Variants in PCDHGC3 observed in about 807,000 individuals in gnomAD.
PCDHGC3 encodes protocadherin gamma subfamily C, 3, also known as protocadherin gamma-C3.
Under a neutral mutation model 59.2 loss-of-function variants are expected in PCDHGC3, and 26 were observed. That is an observed-to-expected ratio of 0.44 (90% CI 0.32 to 0.61). The LOEUF (loss-of-function observed/expected upper bound fraction) is 0.61, where lower values mean the gene tolerates loss of function less well. Among genes scored for constraint, PCDHGC3 ranks in the 20% least tolerant of loss-of-function variants. PCDHGC3 has a pLI of 0.05. For synonymous variants in PCDHGC3, 487 were observed against 519.7 expected, an observed-to-expected ratio of 0.94 and a Z score of 0.86; for missense variants, 1,080 against 1,221.8, an observed-to-expected ratio of 0.88 and a Z score of 1.73.
Position 141,476,091 on chromosome 5 carries a change from G to T in PCDHGC3, c.-26G>T, listed in dbSNP as rs1470774975. The T allele has an allele frequency of 1.3e-6, 2 of 1,563,074 alleles. No homozygotes were observed. Among genetic ancestry groups the T allele is most frequent in the Non-Finnish European group, 1.7e-6 (2 of 1,159,286 alleles). On this transcript the variant is annotated 5_prime_UTR_variant, in exon 1 of 4. Coordinates refer to ENST00000308177, the MANE Select transcript of PCDHGC3 (RefSeq NM_002588.4). This position sits in a 1 kb window ranked among gnomAD's most constrained non-coding sequence, Gnocchi z 7.6. ...AAATCTCAGGGACGATCTGGACCCC[G>T]CTGAGAGGAACTGCTTTTGAGTGAG...
Position 141,478,529 on chromosome 5 carries a change from A to G in PCDHGC3, c.2413A>G (p.Ser805Gly). 1 of 1,609,580 alleles carries G rather than the reference A, an allele frequency of 6.2e-7. No homozygotes were observed. Among genetic ancestry groups the G allele is most frequent in the Non-Finnish European group, 8.5e-7 (1 of 1,177,808 alleles). Residue 805 changes from serine (S) to glycine (G), a missense_variant, in exon 1 of 4, where the codon AGC becomes GGC. Transcript: ENST00000308177. ...VFYRQVLGAE[S>G]APPGQQAPPN... ...CTATAGGCAGGTGTTGGGTGCAGAG[A>G]GCGCCCCTCCCGGACAGGTAAGGTT...
chr5:141,501,314 C>G, intron 2 of PCDHGC3, among the ~76,000 whole-genome samples: 1 of 151,728 alleles, frequency 6.6e-6, no homozygotes, highest in Non-Finnish European at 1.5e-5. Flanking sequence ...CACACACACA[C>G]ACACACACAC....
At chr5:141,484,454 G>T (rs932663778) in intron 1 of PCDHGC3, among the ~76,000 whole-genome samples, 2 of 152,212 alleles carry the variant, frequency 1.3e-5, no homozygotes, top group Non-Finnish European at 2.9e-5. Context: ...AATTGGCTAC[G>T]TTAATGTGTA....
chr5:141,489,066 C>G lies in PCDHGC3; in HGVS notation c.2431-5741C>G. The stretch of plus-strand genomic sequence containing the variant: ...CACTCAAATTCAGCTCCCCTCCCCC[C>G]TGCCCACCCCCGCCACTCGGTGACT... On this transcript the variant is annotated intron_variant, in intron 1 of 3. Transcript: ENST00000308177. This position sits in a 1 kb window ranked among gnomAD's most constrained non-coding sequence, Gnocchi z 4.5. 1 of 391,132 alleles carries G rather than the reference C, an allele frequency of 2.6e-6. No individual in the cohort carries two copies. Among genetic ancestry groups the G allele is most frequent in the South Asian group, 4.2e-5 (1 of 24,028 alleles). 24.2% of individuals were successfully genotyped at this position (391,132 alleles called of 1,614,324 possible).
intron 1 of PCDHGC3, among the ~76,000 whole-genome samples, chr5:141,492,394 G>C (rs2099740158): frequency 6.6e-6 from 1 of 152,220 alleles, no homozygotes; most frequent in African/African-American, 2.4e-5. Context: ...CGGTCCACTC[G>C]CAGCTCCCCT....
At chr5:141,506,231 A>G (rs1453468632) in intron 3 of PCDHGC3, among the ~76,000 whole-genome samples, 4 of 152,082 alleles carry the variant, frequency 2.6e-5, no homozygotes, top group African/African-American at 4.8e-5. Context: ...CAGGAGGATC[A>G]TGAGGTCAGG....
rs760747309 is a variant in PCDHGC3, at chr5:141,477,613, A to G, written c.1497A>G (p.Gln499=). 1.2e-6 allele frequency: 2 copies of G among 1,614,210 alleles called. No individual in the cohort carries two copies. Among genetic ancestry groups the G allele is most frequent in the Non-Finnish European group, 8.5e-7 (1 of 1,180,044 alleles). The part of the protein sequence containing the change: ...NARLSFFLLE[Q]GAETGLVGRY... ...GGCTTTCTTTCTTTCTCTTGGAGCA[A>G]GGAGCTGAAACCGGGCTAGTGGGTC... The change falls in exon 1 of 4, where the codon CAA becomes CAG. Residue 499 remains glutamine (Q), a synonymous_variant. Coordinates refer to ENST00000308177, the MANE Select transcript of PCDHGC3 (RefSeq NM_002588.4). This position sits in a 1 kb window ranked among gnomAD's most constrained non-coding sequence, Gnocchi z 4.9.
intron 2 of PCDHGC3, among the ~76,000 whole-genome samples, chr5:141,497,980 G>A (rs983045402): frequency 2.0e-5 from 3 of 152,168 alleles, no homozygotes; most frequent in African/African-American, 7.2e-5. Context: ...GATGTGGGAG[G>A]CCCCTGCCCT....
intron 2 of PCDHGC3, among the ~76,000 whole-genome samples, chr5:141,496,189 G>T (rs1362938002): frequency 1.3e-5 from 2 of 152,004 alleles, no homozygotes; most frequent in African/African-American, 4.8e-5. Context: ...AGCCCCAGCT[G>T]CTCATTTCAA....
chr5:141,476,754 T>G lies in PCDHGC3; in HGVS notation c.638T>G (p.Val213Gly). 1 of 1,613,926 alleles carries G rather than the reference T, an allele frequency of 6.2e-7. No individual in the cohort carries two copies. The highest frequency in any genetic ancestry group is 1.1e-5 in the South Asian group (1 of 91,084). Residue 213 changes from valine to glycine, a missense_variant, in exon 1 of 4, where the codon GTG becomes GGG. Physicochemically the swap from Val to Gly is moderately radical, Grantham distance 109. Coordinates refer to ENST00000308177, the MANE Select transcript of PCDHGC3 (RefSeq NM_002588.4). The surrounding 1 kb of genome is among the most constrained non-coding windows in gnomAD (Gnocchi z 7.6). Reference sequence around the variant, plus strand: ...GAACGGGAGCCTAGTCTCCAGTTAGTGCTGACGGCGTTGGACGGAGGGACC... The same window carrying G: ...GAACGGGAGCCTAGTCTCCAGTTAGGGCTGACGGCGTTGGACGGAGGGACC... ...DREREPSLQL[V>G]LTALDGGTPA...
rs530139788 is a variant in PCDHGC3, at chr5:141,509,165, C to A, written c.2579-1782C>A. On this transcript the variant is annotated intron_variant, in intron 3 of 3. Coordinates refer to ENST00000308177, the MANE Select transcript of PCDHGC3 (RefSeq NM_002588.4). ...TCCCGGCTCTCCCCTCCCGTGTGCC[C>A]TCCTCCTCTTATGCCGGCTTGAAAA... Among the ~76,000 whole-genome samples the A allele has an allele frequency of 1.4e-4, 21 of 152,332 alleles. No individual in the cohort carries two copies. In the South Asian group the frequency reaches 4.1e-3, roughly 30 times the overall value.
intron 2 of PCDHGC3, among the ~76,000 whole-genome samples, chr5:141,504,704 A>G (rs965376942): frequency 1.3e-5 from 2 of 151,356 alleles, no homozygotes; most frequent in African/African-American, 4.8e-5. Flanking sequence ...AGGTTCTTCT[A>G]TGGCCGTGGA....
intron 2 of PCDHGC3, among the ~76,000 whole-genome samples, chr5:141,500,838 GGCTTTT>G (rs2099802886): frequency 6.6e-6 from 1 of 151,878 alleles, no homozygotes. Flanking sequence ...AATGCTAATG[GGCTTTT>G]GCTACATTAG....
intron 2 of PCDHGC3, among the ~76,000 whole-genome samples, chr5:141,497,132 G>T (rs2099774325): frequency 6.6e-6 from 1 of 152,046 alleles, no homozygotes; most frequent in Non-Finnish European, 1.5e-5. Context: ...GTTGCAGTGA[G>T]CTGAGATCAC....
chr5:141,487,933 A>ACCCTGTG lies in PCDHGC3; in HGVS notation c.2431-6873_2431-6872insCCTGTGC. 1.6e-6 allele frequency: 1 copy of ACCCTGTG among 612,004 alleles called. No individual in the cohort carries two copies. The highest frequency in any genetic ancestry group is 1.8e-5 in the African/African-American group (1 of 54,216). The allele number at this position is 612,004 out of a possible 1,614,324, so 37.9% of individuals were successfully genotyped here. On this transcript the variant is annotated intron_variant, in intron 1 of 3. Coordinates refer to ENST00000308177, the MANE Select transcript of PCDHGC3 (RefSeq NM_002588.4). The surrounding 1 kb of genome is among the most constrained non-coding windows in gnomAD (Gnocchi z 5.0). ...CACAGGAGGCTACAGTGCACAGGGT[A>ACCCTGTG]CAGTGCACCAGGCAGTCACTTGGAC... is the stretch of plus-strand genomic sequence containing the variant.
At chr5:141,496,262 C>G (rs934511905) in intron 2 of PCDHGC3, among the ~76,000 whole-genome samples, 3 of 152,158 alleles carry the variant, frequency 2.0e-5, no homozygotes, top group African/African-American at 7.2e-5. Flanking sequence ...GAAACTTCAG[C>G]AGAAAGACCT....
At position 141,491,150 on chromosome 5, in the gene PCDHGC3, A is replaced by G; in HGVS notation, c.2431-3657A>G. On this transcript the variant is annotated intron_variant, in intron 1 of 3. Coordinates refer to ENST00000308177, the MANE Select transcript of PCDHGC3 (RefSeq NM_002588.4). This position sits in a 1 kb window ranked among gnomAD's most constrained non-coding sequence, Gnocchi z 6.9. ...CGCACAGCCCGGGCCTTACTGGAGG[A>G]TGACTCTGACACCCAGCAGGTGGTG... is the stretch of plus-strand genomic sequence containing the variant. 1 of 1,614,122 alleles carries G rather than the reference A, an allele frequency of 6.2e-7. No individual in the cohort carries two copies. Among genetic ancestry groups the G allele is most frequent in the African/African-American group, 1.3e-5 (1 of 75,060 alleles).
Position 141,485,036 on chromosome 5 carries a change from C to A in PCDHGC3, c.2430+6490C>A. ...CGCCACCAGCAAAAACGGCGCGTAA[C>A]CCTTGCGGCGCCGGCCGAACCGCGC... On this transcript the variant is annotated intron_variant, in intron 1 of 3. Coordinates refer to ENST00000308177, the MANE Select transcript of PCDHGC3 (RefSeq NM_002588.4). The surrounding 1 kb of genome is among the most constrained non-coding windows in gnomAD (Gnocchi z 5.7). 1 of 698,458 alleles carries A rather than the reference C, an allele frequency of 1.4e-6. No individual in the cohort carries two copies. The highest frequency in any genetic ancestry group is 2.5e-6 in the Non-Finnish European group (1 of 399,316). The allele number at this position is 698,458 out of a possible 1,614,324, so 43.3% of individuals were successfully genotyped here. A position where few individuals can be genotyped will look rare whatever the true frequency, so the allele number is the denominator to read the frequency against.
chr5:141,510,526 A>T (rs1164238062), intron 3 of PCDHGC3, among the ~76,000 whole-genome samples: 1 of 152,156 alleles, frequency 6.6e-6, no homozygotes, highest in East Asian at 1.9e-4. Flanking sequence ...CAGCCCTGAG[A>T]GAAATACCAG....
Sources: gnomAD v4.1 joint callset for allele counts (sites outside exome capture counted in the v4.1 genomes callset) on GRCh38, gnomAD v4.1.1 for gene constraint, Gnocchi (gnomAD v3.1) non-coding constraint, MANE v1.5 for transcripts, NCBI Gene and HGNC (gene_info 2026-07-23, HGNC 2026-07-21) for gene names.